The following PHF24 variants were observed in gnomAD, a reference collection of about 807,000 sequenced individuals.
PHF24 encodes PHD finger protein 24, also known as Galpha inhibitory interacting protein.
PHF24 carries 25 observed loss-of-function variants against 42.6 expected under a neutral mutation model. That is an observed-to-expected ratio of 0.59 (90% CI 0.43 to 0.82). PHF24 has a LOEUF of 0.82. Ranked by LOEUF, PHF24 falls within the 40% of genes least tolerant of loss-of-function variation. The probability of loss-of-function intolerance (pLI) is 0.00; values close to 1 mark genes in which losing one functional copy is unlikely to be tolerated. For synonymous variants in PHF24, 185 were observed against 204.8 expected, an observed-to-expected ratio of 0.90 and a Z score of 0.83; for missense variants, 470 against 538.1, an observed-to-expected ratio of 0.87 and a Z score of 1.25.
At chr9:34,978,184 AC>A in exon 8 of PHF24, 2 of 1,153,752 alleles carry the variant, frequency 1.7e-6, no homozygotes, top group Non-Finnish European at 2.6e-6. Context: ...TCCCCCACCA[AC>A]CTCTGGCACA....
At chr9:34,832,419 A>G in the PHF24 span, 2 of 1,278,054 alleles carry the variant, frequency 1.6e-6, no homozygotes, top group Non-Finnish European at 1.1e-6. Context: ...CTTATTGTCT[A>G]GGGACTGGGG....
chr9:34,946,827 T>C, the PHF24 span, among the ~76,000 whole-genome samples: 4,726 of 152,178 alleles, frequency 0.031, 254 homozygotes, highest in African/African-American at 0.11. Flanking sequence ...ATGAGAAACA[T>C]TTAAATGGAA....
the PHF24 span, chr9:34,725,849 G>A: frequency 1.3e-4 from 202 of 1,551,634 alleles, no homozygotes; most frequent in Non-Finnish European, 1.7e-4. Context: ...ATCCTTCAAG[G>A]GGGGCTTGGG....
At chr9:34,847,948 G>T in the PHF24 span, among the ~76,000 whole-genome samples, 1 of 152,190 alleles carries the variant, frequency 6.6e-6, no homozygotes, top group African/African-American at 2.4e-5. Context: ...CAGTGATGAA[G>T]CCCACTTGAT....
the PHF24 span, among the ~76,000 whole-genome samples, chr9:34,803,915 A>C: frequency 1.3e-5 from 2 of 152,164 alleles, no homozygotes; most frequent in Non-Finnish European, 2.9e-5. Context: ...TAGCTGCTGG[A>C]AGAAATTTCT....
chr9:34,960,060 G>A (rs550365036), intron 1 of PHF24, among the ~76,000 whole-genome samples: 3 of 152,308 alleles, frequency 2.0e-5, no homozygotes, highest in Admixed American at 1.3e-4. Flanking sequence ...AAGGGTCTGC[G>A]CCAGACATAG....
the PHF24 span, among the ~76,000 whole-genome samples, chr9:34,753,848 C>G: frequency 6.6e-6 from 1 of 152,094 alleles, no homozygotes; most frequent in Admixed American, 6.5e-5. Context: ...CTACAGCGAA[C>G]TCATTTTTGA....
At chr9:34,898,530 A>G in the PHF24 span, among the ~76,000 whole-genome samples, 1 of 152,220 alleles carries the variant, frequency 6.6e-6, no homozygotes, top group Non-Finnish European at 1.5e-5. Flanking sequence ...CTATTTCATC[A>G]TCTGCCCTGA....
the PHF24 span, among the ~76,000 whole-genome samples, chr9:34,897,432 C>CAGA: frequency 6.6e-6 from 1 of 152,164 alleles, no homozygotes; most frequent in East Asian, 1.9e-4. Context: ...TTAATGGGTA[C>CAGA]AGAAGTTTCT....
rs763904523 is a variant in PHF24, at chr9:34,976,746, G to A, written c.849+6G>A. On this transcript the variant is annotated splice_donor_region_variant and intron_variant, in intron 5 of 7. Transcript: ENST00000242315. ...TGCAGCAGTTGCGTCCCCAGGTGAG[G>A]GCCAGTTGGGGCAAATGTTCCTGGG... 3 of 1,609,462 alleles carry A rather than the reference G, an allele frequency of 1.9e-6. No homozygotes were observed. The highest frequency in any genetic ancestry group is 3.3e-5 in the Admixed American group (2 of 59,914).
chr9:34,699,482 C>G, the PHF24 span, among the ~76,000 whole-genome samples: 2 of 152,222 alleles, frequency 1.3e-5, no homozygotes, highest in South Asian at 4.1e-4. Flanking sequence ...TGCAACAACC[C>G]TGCTCTCACC....
the PHF24 span, among the ~76,000 whole-genome samples, chr9:34,940,167 G>A: frequency 4.6e-5 from 7 of 151,998 alleles, no homozygotes; most frequent in Admixed American, 2.6e-4. Context: ...GCCTTAATAA[G>A]CACATTCCTT....
the PHF24 span, among the ~76,000 whole-genome samples, chr9:34,950,655 G>A: frequency 1.3e-4 from 20 of 152,172 alleles, no homozygotes; most frequent in African/African-American, 3.6e-4. Context: ...TAAAAACCAC[G>A]AATTGTACCC....
the PHF24 span, chr9:34,835,912 C>T: frequency 1.2e-6 from 1 of 820,494 alleles, no homozygotes; most frequent in East Asian, 2.7e-5. Context: ...TGATGGACTC[C>T]TCGACAAAGT....
chr9:34,678,547 C>T, the PHF24 span, among the ~76,000 whole-genome samples: 1 of 152,046 alleles, frequency 6.6e-6, no homozygotes, highest in Non-Finnish European at 1.5e-5. Flanking sequence ...TTTGACCAGG[C>T]TGGTCTTGAA....
the PHF24 span, among the ~76,000 whole-genome samples, chr9:34,755,019 G>GGA: frequency 1.8e-4 from 27 of 151,912 alleles, no homozygotes; most frequent in African/African-American, 4.1e-4. Flanking sequence ...TTGAACTCAT[G>GGA]GAGAGAGAGA....
chr9:34,804,496 T>C, the PHF24 span, among the ~76,000 whole-genome samples: 1 of 152,230 alleles, frequency 6.6e-6, no homozygotes, highest in Non-Finnish European at 1.5e-5. Flanking sequence ...TGGTAACTAC[T>C]AATAGTTGAC....
At chr9:34,874,125 A>G in the PHF24 span, among the ~76,000 whole-genome samples, 12 of 152,272 alleles carry the variant, frequency 7.9e-5, no homozygotes, top group Middle Eastern at 3.4e-3. Context: ...TAGATATACA[A>G]TCATGTCATC....
intron 3 of PHF24, among the ~76,000 whole-genome samples, chr9:34,974,025 G>A (rs1346556793): frequency 6.6e-6 from 1 of 151,038 alleles, no homozygotes; most frequent in Admixed American, 6.6e-5. Context: ...TTCTTTTTAT[G>A]AGACAGGGTC....
Sources: gnomAD v4.1 joint callset for allele counts (sites outside exome capture counted in the v4.1 genomes callset) on GRCh38, gnomAD v4.1.1 for gene constraint, MANE v1.5 for transcripts, NCBI Gene and HGNC (gene_info 2026-07-23, HGNC 2026-07-21) for gene names.